RBFOX1: variants seen among roughly 807,000 people sequenced by gnomAD.
RBFOX1 encodes RNA binding fox-1 homolog 1, also known as RNA binding protein fox-1 homolog 1.
In RBFOX1, 8 loss-of-function variants were observed where a neutral mutation model predicts 57.7. The ratio of observed to expected loss-of-function variants is 0.14; its 90% CI spans 0.08 to 0.25. The LOEUF is 0.25. RBFOX1 is among the 10% of genes least tolerant of loss of function. The probability of loss-of-function intolerance (pLI) is 1.00; values close to 1 mark genes in which losing one functional copy is unlikely to be tolerated. For missense variants in RBFOX1, 611 were observed against 548.5 expected, an observed-to-expected ratio of 1.11 and a Z score of -1.14; for synonymous variants, 326 against 222.4, an observed-to-expected ratio of 1.47 and a Z score of -4.15.
intron 2 of RBFOX1, among the ~76,000 whole-genome samples, chr16:6,386,173 G>A (rs931799687): frequency 1.3e-5 from 2 of 152,128 alleles, no homozygotes; most frequent in African/African-American, 2.4e-5. Context: ...CTGGCCTCGT[G>A]ATCCGCCCGT....
At chr16:6,628,591 A>G (rs377687977) in intron 2 of RBFOX1, among the ~76,000 whole-genome samples, 6 of 152,194 alleles carry the variant, frequency 3.9e-5, no homozygotes, top group African/African-American at 1.4e-4. Flanking sequence ...AGTGACTTGC[A>G]TCAGTATCTT....
At chr16:6,822,573 G>C (rs908519225) in intron 3 of RBFOX1, among the ~76,000 whole-genome samples, 1 of 152,162 alleles carries the variant, frequency 6.6e-6, no homozygotes, top group Non-Finnish European at 1.5e-5. Context: ...TGAGCTCTTC[G>C]CCGTGCTTGC....
At chr16:6,428,821 T>A (rs1254234144) in intron 2 of RBFOX1, among the ~76,000 whole-genome samples, 1 of 152,234 alleles carries the variant, frequency 6.6e-6, no homozygotes, top group Non-Finnish European at 1.5e-5. Context: ...AAAATGGCAA[T>A]GGGAAGTCTA....
chr16:7,421,211 G>A (rs966696234), intron 4 of RBFOX1, among the ~76,000 whole-genome samples: 2 of 151,116 alleles, frequency 1.3e-5, no homozygotes, highest in African/African-American at 2.4e-5. Context: ...GTGAAATGAA[G>A]TAGACATGGG....
intron 1 of RBFOX1, among the ~76,000 whole-genome samples, chr16:5,301,308 G>C (rs1337074263): frequency 6.6e-6 from 1 of 152,106 alleles, no homozygotes; most frequent in Non-Finnish European, 1.5e-5. Context: ...CGTGTTTACA[G>C]ACTTCCAACA....
chr16:6,996,021 C>G (rs2092198528), intron 3 of RBFOX1, among the ~76,000 whole-genome samples: 1 of 152,196 alleles, frequency 6.6e-6, no homozygotes, highest in South Asian at 2.1e-4. Flanking sequence ...CTAAACTTCT[C>G]AACTTACCTT....
chr16:6,759,209 G>A (rs1262460255), intron 3 of RBFOX1, among the ~76,000 whole-genome samples: 3 of 150,502 alleles, frequency 2.0e-5, no homozygotes, highest in Non-Finnish European at 2.9e-5. Context: ...GGAGTGCAGT[G>A]GCATAACCTT....
At chr16:6,171,516 G>T (rs2152766327) in intron 1 of RBFOX1, among the ~76,000 whole-genome samples, 1 of 152,248 alleles carries the variant, frequency 6.6e-6, no homozygotes, top group South Asian at 2.1e-4. Flanking sequence ...GGGATATTTG[G>T]CTCATTGGCT....
intron 3 of RBFOX1, among the ~76,000 whole-genome samples, chr16:5,834,042 G>A (rs1282930764): frequency 6.6e-6 from 1 of 152,168 alleles, no homozygotes; most frequent in Non-Finnish European, 1.5e-5. Context: ...CCAGCCCCAG[G>A]CCTGGCACCA....
intron 3 of RBFOX1, among the ~76,000 whole-genome samples, chr16:6,904,688 T>G (rs1403604724): frequency 6.6e-6 from 1 of 150,812 alleles, no homozygotes; most frequent in Non-Finnish European, 1.5e-5. Context: ...GGGAAGCAGC[T>G]GCTTTTTCCC....
chr16:6,455,162 G>A (rs1194450339), intron 2 of RBFOX1, among the ~76,000 whole-genome samples: 1 of 151,730 alleles, frequency 6.6e-6, no homozygotes, highest in Non-Finnish European at 1.5e-5. Context: ...CAAAGTGCTG[G>A]GATTACAGGC....
intron 3 of RBFOX1, among the ~76,000 whole-genome samples, chr16:6,966,333 G>A (rs1189499131): frequency 6.6e-6 from 1 of 152,100 alleles, no homozygotes; most frequent in East Asian, 1.9e-4. Flanking sequence ...GCAAGTTTTG[G>A]CTCTCAGAGC....
intron 3 of RBFOX1, among the ~76,000 whole-genome samples, chr16:6,934,730 G>T (rs774887676): frequency 1.3e-5 from 2 of 152,092 alleles, no homozygotes; most frequent in Non-Finnish European, 2.9e-5. Flanking sequence ...AAAGCTGTGA[G>T]GCCCTTTGCT....
chr16:6,526,261 T>C (rs1270972118), intron 2 of RBFOX1, among the ~76,000 whole-genome samples: 1 of 152,188 alleles, frequency 6.6e-6, no homozygotes, highest in African/African-American at 2.4e-5. Flanking sequence ...TAATAGAGTA[T>C]TGGGTTTCCT....
chr16:6,516,661 T>G (rs1162631736), intron 2 of RBFOX1, among the ~76,000 whole-genome samples: 1 of 152,200 alleles, frequency 6.6e-6, no homozygotes, highest in Non-Finnish European at 1.5e-5. Flanking sequence ...ATCTGTTGAT[T>G]GTCAAGATTT....
intron 3 of RBFOX1, among the ~76,000 whole-genome samples, chr16:5,795,307 C>CT (rs1048193656): frequency 5.1e-4 from 75 of 146,960 alleles, no homozygotes; most frequent in African/African-American, 7.9e-4. Flanking sequence ...CTTCCTTCTT[C>CT]TTTTTTTTTT....
intron 1 of RBFOX1, among the ~76,000 whole-genome samples, chr16:6,205,813 A>T (rs1323283721): frequency 1.4e-5 from 2 of 145,058 alleles, no homozygotes; most frequent in African/African-American, 2.6e-5. Flanking sequence ...CTTTAAGTAC[A>T]TTCACAAATA....
chr16:5,522,183 A>T (rs2044048088), intron 2 of RBFOX1, among the ~76,000 whole-genome samples: 1 of 152,228 alleles, frequency 6.6e-6, no homozygotes, highest in South Asian at 2.1e-4. Context: ...AAACCCATGG[A>T]GGAATTAAGA....
At chr16:7,239,126 C>G (rs1053595389) in intron 4 of RBFOX1, among the ~76,000 whole-genome samples, 4 of 152,098 alleles carry the variant, frequency 2.6e-5, no homozygotes, top group Non-Finnish European at 5.9e-5. Flanking sequence ...TTTTTATTAT[C>G]ATTTTCTCCT....
Sources: allele counts gnomAD v4.1 joint callset (sites outside exome capture counted in the v4.1 genomes callset), GRCh38; gene constraint gnomAD v4.1.1; transcripts MANE v1.5; gene names NCBI Gene and HGNC (gene_info 2026-07-23, HGNC 2026-07-21).